DNMT3B: variants seen among roughly 807,000 people sequenced by gnomAD.
DNMT3B encodes DNA methyltransferase 3 beta, also known as DNA (cytosine-5)-methyltransferase 3B.
A neutral mutation model predicts 120.2 loss-of-function variants in DNMT3B; 37 were observed. That is an observed-to-expected ratio of 0.31 (90% CI 0.24 to 0.40). The LOEUF is 0.40. Among genes scored for constraint, DNMT3B ranks in the 10% least tolerant of loss-of-function variants. The pLI, the probability that DNMT3B is intolerant of heterozygous loss-of-function variation, is 1.00. For synonymous variants in DNMT3B, 412 were observed against 442.8 expected (o/e 0.93, Z 0.87); for missense variants, 878 against 1,137.3 (o/e 0.77, Z 3.28).
At chr20:32,779,945 C>A (rs1168687912) in intron 1 of DNMT3B, 14 of 820,784 alleles carry the variant, frequency 1.7e-5, no homozygotes, top group Non-Finnish European at 2.6e-5. Flanking sequence ...GGGGCCAGGG[C>A]CAGAGGGGAC....
intron 13 of DNMT3B, 116 bp from the exon 14 acceptor site, chr20:32,797,071 C>T: frequency 6.2e-7 from 1 of 1,604,672 alleles, no homozygotes; most frequent in African/African-American, 1.3e-5. Flanking sequence ...TTTTAAAGGA[C>T]ACCAAGCCAC....
At chr20:32,772,159 G>T (rs1397667327) in intron 1 of DNMT3B, among the ~76,000 whole-genome samples, 1 of 152,142 alleles carries the variant, frequency 6.6e-6, no homozygotes, top group Non-Finnish European at 1.5e-5. Context: ...TGACAAATGG[G>T]ACTGCAGCAA....
chr20:32,770,970 C>G (rs1038669824), intron 1 of DNMT3B, among the ~76,000 whole-genome samples: 1 of 152,064 alleles, frequency 6.6e-6, no homozygotes, highest in Admixed American at 6.6e-5. Flanking sequence ...ATCTTGAACT[C>G]CTGGGCTCAA....
chr20:32,788,476 T>G (rs4911259), intron 6 of DNMT3B, among the ~76,000 whole-genome samples: 65,659 of 151,990 alleles, frequency 0.43, 15,235 homozygotes, highest in East Asian at 0.92. Flanking sequence ...TTATTACATT[T>G]TACTTTGTAT....
chr20:32,798,590 G>C lies in DNMT3B; in HGVS notation c.1621G>C (p.Asp541His). ...RCHGVLRRRK[D>H]WNVRLQAFFT... ...TCATGGCGTCCTGCGGCGCCGGAAG[G>C]ACTGGAACGTGCGCCTGCAGGCCTT... The change falls in exon 15 of 23, where the codon GAC becomes CAC. Residue 541 changes from aspartate (D) to histidine (H), a missense_variant. Physicochemically the swap from Asp to His is moderately conservative, Grantham distance 81. Coordinates refer to ENST00000328111, the MANE Select transcript of DNMT3B (RefSeq NM_006892.4). 1 of 1,614,216 alleles carries C rather than the reference G, an allele frequency of 6.2e-7. No individual in the cohort carries two copies. Among genetic ancestry groups the C allele is most frequent in the African/African-American group, 1.3e-5 (1 of 75,080 alleles).
At chr20:32,787,187 C>T (rs1299831384) in intron 5 of DNMT3B, 43 bp from the exon 6 acceptor site, 1 of 1,613,036 alleles carries the variant, frequency 6.2e-7, no homozygotes, top group East Asian at 2.2e-5. Flanking sequence ...TGGTCACCGA[C>T]ATCCTTTGCT....
At chr20:32,772,737 G>C (rs2050278231) in intron 1 of DNMT3B, among the ~76,000 whole-genome samples, 1 of 149,722 alleles carries the variant, frequency 6.7e-6, no homozygotes, top group Non-Finnish European at 1.5e-5. Context: ...TATGGTCCTA[G>C]TTTTTTTTTT....
intron 1 of DNMT3B, among the ~76,000 whole-genome samples, chr20:32,772,403 G>T (rs892745825): frequency 1.3e-5 from 2 of 152,196 alleles, no homozygotes; most frequent in Non-Finnish European, 2.9e-5. Context: ...CACAGGTGCA[G>T]CCTGCTGTGA....
intron 1 of DNMT3B, among the ~76,000 whole-genome samples, chr20:32,776,417 A>G (rs1459275335): frequency 6.6e-6 from 1 of 152,132 alleles, no homozygotes; most frequent in African/African-American, 2.4e-5. Flanking sequence ...GGGCCATGTT[A>G]TCTGGAAATG....
intron 5 of DNMT3B, among the ~76,000 whole-genome samples, chr20:32,786,892 A>G (rs1362061210): frequency 6.6e-6 from 1 of 152,240 alleles, no homozygotes; most frequent in Non-Finnish European, 1.5e-5. Flanking sequence ...GAAACAAGGT[A>G]GAAAACACTG....
rs376006476 is a variant in DNMT3B at position 32,788,854 on chromosome 20, G to A, written c.655G>A (p.Asp219Asn). 6.2e-7 allele frequency: 1 copy of A among 1,614,180 alleles called. No homozygotes were observed. Among genetic ancestry groups the A allele is most frequent in the Non-Finnish European group, 8.5e-7 (1 of 1,180,034 alleles). The change falls in exon 7 of 23, where the codon GAT becomes AAT. Residue 219 changes from aspartate to asparagine, a missense_variant and splice_region_variant. By Grantham distance (23) the Asp-to-Asn change is conservative. Transcript: ENST00000328111. ...SGDGDSSEYQ[D>N]GKEFGIGDLV... ...TTTCTTCATGTGGGTTTTCTTCCAGGATGGGAAGGAGTTTGGAATAGGGGA... is the reference window on the plus strand; with the variant it reads ...TTTCTTCATGTGGGTTTTCTTCCAGAATGGGAAGGAGTTTGGAATAGGGGA...
chr20:32,797,649 C>T (rs1980803109), intron 14 of DNMT3B, among the ~76,000 whole-genome samples: 1 of 145,090 alleles, frequency 6.9e-6, no homozygotes, highest in South Asian at 2.2e-4. Flanking sequence ...CATGCCATCA[C>T]ACCCAGCTAG....
chr20:32,773,960 T>TTTA (rs60255175), intron 1 of DNMT3B, among the ~76,000 whole-genome samples: 2 of 146,170 alleles, frequency 1.4e-5, no homozygotes, highest in African/African-American at 5.1e-5. Flanking sequence ...TTTTTTTTTT[T>TTTA]ACGCTTTCCT....
intron 22 of DNMT3B, 105 bp from the exon 23 acceptor site, chr20:32,807,657 G>C: frequency 1.3e-6 from 2 of 1,545,478 alleles, no homozygotes; most frequent in Non-Finnish European, 1.8e-6. Context: ...TTACTGATGG[G>C]ACTGAGGGAT....
At chr20:32,806,397 G>A in intron 22 of DNMT3B, 70 bp downstream of exon 22, 2 of 1,412,444 alleles carry the variant, frequency 1.4e-6, no homozygotes, top group Non-Finnish European at 2.0e-6. Flanking sequence ...ATGGGCAGGT[G>A]CTTACCTTCA....
At chr20:32,784,971 T>A in intron 4 of DNMT3B, 112 bp downstream of exon 4, 2 of 1,041,236 alleles carry the variant, frequency 1.9e-6, no homozygotes. Flanking sequence ...GAGAAAGTGA[T>A]GAAAAAATGT....
chr20:32,788,173 G>A (rs771743995), intron 6 of DNMT3B, among the ~76,000 whole-genome samples: 1 of 152,158 alleles, frequency 6.6e-6, no homozygotes, highest in African/African-American at 2.4e-5. Context: ...AGTCACAGGG[G>A]ATGCGATGGC....
At chr20:32,797,646 T>C (rs2424920) in intron 14 of DNMT3B, among the ~76,000 whole-genome samples, 90,680 of 151,492 alleles carry the variant, frequency 0.6, 30,058 homozygotes, top group East Asian at 0.99. Context: ...GCACATGCCA[T>C]CACACCCAGC....
intron 1 of DNMT3B, among the ~76,000 whole-genome samples, chr20:32,763,076 A>G (rs955920416): frequency 6.6e-6 from 1 of 152,088 alleles, no homozygotes; most frequent in Non-Finnish European, 1.5e-5. Flanking sequence ...CGTCGAGAGC[A>G]TGAACAGGGG....
Sources: gnomAD v4.1 joint callset for allele counts (sites outside exome capture counted in the v4.1 genomes callset) on GRCh38, gnomAD v4.1.1 for gene constraint, MANE v1.5 for transcripts, NCBI Gene and HGNC (gene_info 2026-07-23, HGNC 2026-07-21) for gene names.